Variants in MEF2C observed in about 807,000 individuals in gnomAD.
MEF2C encodes the protein myocyte-specific enhancer factor 2C.
A neutral mutation model predicts 50.5 loss-of-function variants in MEF2C; 6 were observed. The observed-to-expected ratio is 0.12, with a 90% CI of 0.07 to 0.23. The LOEUF (loss-of-function observed/expected upper bound fraction) is 0.23, where lower values mean the gene tolerates loss of function less well. Ranked by LOEUF, MEF2C falls within the 10% of genes least tolerant of loss-of-function variation. The probability of loss-of-function intolerance (pLI) is 1.00; values close to 1 mark genes in which losing one functional copy is unlikely to be tolerated. For synonymous variants in MEF2C, 183 were observed against 228.0 expected, an observed-to-expected ratio of 0.80 and a Z score of 1.78; for missense variants, 276 against 605.0, an observed-to-expected ratio of 0.46 and a Z score of 5.70.
At chr5:88,790,524 C>T (rs1384553185) in intron 3 of MEF2C, among the ~76,000 whole-genome samples, 1 of 152,194 alleles carries the variant, frequency 6.6e-6, no homozygotes, top group Non-Finnish European at 1.5e-5. Context: ...CTTCTCTCTT[C>T]TCCAGTAATC....
chr5:88,821,539 A>ACTAC (rs1376700751), intron 2 of MEF2C, among the ~76,000 whole-genome samples: 3 of 151,936 alleles, frequency 2.0e-5, no homozygotes, highest in African/African-American at 7.2e-5. Flanking sequence ...ACAAGCATGA[A>ACTAC]CTACCACTCC....
chr5:88,874,646 A>C (rs1830521202), intron 1 of MEF2C, among the ~76,000 whole-genome samples: 1 of 151,922 alleles, frequency 6.6e-6, no homozygotes. Flanking sequence ...TCACAGAAAA[A>C]TAAATGCTTG....
At chr5:88,861,615 C>T (rs1433967682) in intron 1 of MEF2C, among the ~76,000 whole-genome samples, 2 of 152,134 alleles carry the variant, frequency 1.3e-5, no homozygotes, top group Non-Finnish European at 2.9e-5. Flanking sequence ...AAAGCTTTGC[C>T]TTTCTGAGAC....
upstream of MEF2C, chr5:88,883,659 T>C (rs1833632884): frequency 6.6e-6 from 1 of 152,258 alleles, no homozygotes; most frequent in Non-Finnish European, 1.5e-5. Flanking sequence ...TGCCTTTGCT[T>C]CGCGCTGCCT....
chr5:88,767,564 A>G (rs561579520), intron 3 of MEF2C, among the ~76,000 whole-genome samples: 5 of 152,296 alleles, frequency 3.3e-5, no homozygotes, highest in African/African-American at 1.2e-4. Flanking sequence ...AAAATATAAA[A>G]CTGTACAATA....
chr5:88,768,870 G>A (rs1489730201), intron 3 of MEF2C, among the ~76,000 whole-genome samples: 1 of 152,144 alleles, frequency 6.6e-6, no homozygotes, highest in African/African-American at 2.4e-5. Context: ...AGAAAGCAGT[G>A]CAATGTAGGT....
intron 2 of MEF2C, among the ~76,000 whole-genome samples, chr5:88,806,833 C>T (rs1800646527): frequency 6.6e-6 from 1 of 151,930 alleles, no homozygotes; most frequent in Non-Finnish European, 1.5e-5. Flanking sequence ...AACCTCTCTT[C>T]CACTACAGCG....
chr5:88,883,045 T>C lies in MEF2C; in HGVS notation c.-233A>G, dbSNP rs1458600395. 6 of 152,562 alleles carry C rather than the reference T, an allele frequency of 3.9e-5. No homozygotes were observed. The highest frequency in any genetic ancestry group is 1.4e-4 in the African/African-American group (6 of 41,532). The allele number at this position is 152,562 out of a possible 1,614,324, so 9.5% of individuals were successfully genotyped here. A position where few individuals can be genotyped will look rare whatever the true frequency, so the allele number is the denominator to read the frequency against. On this transcript the variant is annotated 5_prime_UTR_variant, in exon 1 of 11. It removes the in-frame stop codon of an upstream open reading frame in the 5' UTR. Transcript: ENST00000504921. Reference sequence around the variant, plus strand: ...AAAAAAAAAATAACAACAATAATCTTTACTTCGTCCAGCGTTGAAGTGCTT... The same window carrying C: ...AAAAAAAAAATAACAACAATAATCTCTACTTCGTCCAGCGTTGAAGTGCTT...
intron 3 of MEF2C, among the ~76,000 whole-genome samples, chr5:88,790,681 A>T (rs2152959630): frequency 6.6e-6 from 1 of 152,210 alleles, no homozygotes; most frequent in East Asian, 1.9e-4. Context: ...GACTTGAAAG[A>T]TTCTCACTTT....
intron 1 of MEF2C, among the ~76,000 whole-genome samples, chr5:88,895,985 T>C (rs967994070): frequency 2.0e-5 from 3 of 152,164 alleles, no homozygotes; most frequent in African/African-American, 7.2e-5. Flanking sequence ...TACCCTGCTG[T>C]GTTGGTCAGG....
At chr5:88,734,212 T>C in intron 6 of MEF2C, 1 of 985,348 alleles carries the variant, frequency 1.0e-6, no homozygotes, top group Non-Finnish European at 1.2e-6. Flanking sequence ...AGGTCAATTC[T>C]GCTCTATACT....
chr5:88,823,561 A>AT (rs943683222), intron 2 of MEF2C, among the ~76,000 whole-genome samples, 174 bp downstream of exon 2: 2 of 151,882 alleles, frequency 1.3e-5, no homozygotes, highest in Admixed American at 6.6e-5. Context: ...AGATAAAGTG[A>AT]TTTTTTTCTC....
chr5:88,824,745 T>C (rs1810081055), intron 1 of MEF2C: 1 of 151,930 alleles, frequency 6.6e-6, no homozygotes, highest in African/African-American at 2.4e-5. Context: ...ATCATGTCTT[T>C]GTGGAGTAAG....
chr5:88,888,023 A>G (rs1309346823), upstream of MEF2C: 2 of 152,224 alleles, frequency 1.3e-5, no homozygotes, highest in Admixed American at 1.3e-4. Flanking sequence ...AGCTAACACA[A>G]TTTGTCAAAT....
At chr5:88,809,755 A>T (rs1802016853) in intron 2 of MEF2C, among the ~76,000 whole-genome samples, 1 of 152,064 alleles carries the variant, frequency 6.6e-6, no homozygotes, top group African/African-American at 2.4e-5. Flanking sequence ...CTTACTGGTT[A>T]TTTCTAATCT....
At chr5:88,797,118 A>C (rs1224763363) in intron 3 of MEF2C, among the ~76,000 whole-genome samples, 1 of 152,088 alleles carries the variant, frequency 6.6e-6, no homozygotes, top group Non-Finnish European at 1.5e-5. Context: ...TGGGGTAGAG[A>C]GTTCTGTAGA....
chr5:88,876,066 T>G (rs924906646), intron 1 of MEF2C, among the ~76,000 whole-genome samples: 40 of 92,526 alleles, frequency 4.3e-4, no homozygotes, highest in African/African-American at 1.6e-3. Context: ...AACTGGAGTT[T>G]TTTTTTTTTT....
Position 88,751,916 on chromosome 5 carries a change from A to G in MEF2C, c.530T>C (p.Leu177Pro). 6.2e-7 allele frequency: 1 copy of G among 1,614,016 alleles called. No individual in the cohort carries two copies. The highest frequency in any genetic ancestry group is 1.1e-5 in the South Asian group (1 of 91,086). ...PNLLPLAHPS[L>P]QRNSMSPGVT... is the part of the protein sequence containing the mutation. ...ACCAGGAGACATACTATTCCTCTGCAGAGAAGGGTGAGCCAGTGGCAATAG... is the reference window on the plus strand; with the variant it reads ...ACCAGGAGACATACTATTCCTCTGCGGAGAAGGGTGAGCCAGTGGCAATAG... Residue 177 changes from leucine (L) to proline (P), a missense_variant, in exon 5 of 11, where the codon CTG becomes CCG. Leu to Pro is a moderately conservative substitution (Grantham distance 98). This residue lies in a region of MEF2C where 256 missense variants were observed against 468.1 expected (regional missense o/e 0.55). Transcript: ENST00000504921.
intron 6 of MEF2C, among the ~76,000 whole-genome samples, chr5:88,747,333 CTTTTTTTTTTTTTTT>C (rs950842424): frequency 3.2e-4 from 7 of 21,748 alleles, no homozygotes; most frequent in South Asian, 5.8e-3. Flanking sequence ...TTTTTTACTA[CTTTTTTTTTTTTTTT>C]TTTTTTTTTT....
Sources: gnomAD v4.1 joint callset for allele counts (sites outside exome capture counted in the v4.1 genomes callset) on GRCh38, gnomAD v4.1.1 for gene constraint, gnomAD v4.1.1 regional missense constraint, MANE v1.5 for transcripts, NCBI Gene and HGNC (gene_info 2026-07-23, HGNC 2026-07-21) for gene names.